KDM4C: variants seen among roughly 807,000 people sequenced by gnomAD.
The protein encoded by KDM4C is lysine demethylase 4C, also known as lysine-specific demethylase 4C.
A neutral mutation model predicts 129.3 loss-of-function variants in KDM4C; 81 were observed. That is an observed-to-expected ratio of 0.63 (90% CI 0.52 to 0.75). The LOEUF is 0.75. KDM4C is among the 30% of genes least tolerant of loss of function. The probability of loss-of-function intolerance (pLI) is 0.00; values close to 1 mark genes in which losing one functional copy is unlikely to be tolerated. For missense variants in KDM4C, 1,457 were observed against 1,304.0 expected (o/e 1.12, Z -1.81); for synonymous variants, 573 against 456.1 (o/e 1.26, Z -3.26).
At position 6,880,071 on chromosome 9, in the gene KDM4C, G is replaced by C. The variant is rs1309513827; in HGVS notation, c.679+10G>C. On this transcript the variant is annotated intron_variant, in intron 6 of 21. Coordinates refer to ENST00000381309, the MANE Select transcript of KDM4C (RefSeq NM_015061.6). Reference sequence around the variant, plus strand: ...GAAAGACTAGCTCAAGGTAAAACTTGCTTTTTAAATTTGTTTTCTGTGTTT... The same window carrying C: ...GAAAGACTAGCTCAAGGTAAAACTTCCTTTTTAAATTTGTTTTCTGTGTTT... 1.3e-6 allele frequency: 2 copies of C among 1,581,856 alleles called. No individual in the cohort carries two copies. Among genetic ancestry groups the C allele is most frequent in the Non-Finnish European group, 1.7e-6 (2 of 1,157,472 alleles).
At chr9:7,089,778 A>T (rs926342804) in intron 17 of KDM4C, among the ~76,000 whole-genome samples, 2 of 152,184 alleles carry the variant, frequency 1.3e-5, no homozygotes, top group African/African-American at 4.8e-5. Context: ...AATTAGACTT[A>T]AAAAAACCCA....
At chr9:6,965,444 G>C (rs1830788936) in intron 8 of KDM4C, among the ~76,000 whole-genome samples, 1 of 152,088 alleles carries the variant, frequency 6.6e-6, no homozygotes, top group Non-Finnish European at 1.5e-5. Flanking sequence ...AAGTTTGTTA[G>C]GGTTCTCCAG....
At chr9:6,858,369 A>G (rs189263026) in intron 5 of KDM4C, among the ~76,000 whole-genome samples, 2 of 152,162 alleles carry the variant, frequency 1.3e-5, no homozygotes, top group East Asian at 1.9e-4. Context: ...GACCACCACC[A>G]CCTACAACAT....
At chr9:7,118,274 C>T (rs527539514) in intron 18 of KDM4C, among the ~76,000 whole-genome samples, 7 of 152,308 alleles carry the variant, frequency 4.6e-5, no homozygotes, top group African/African-American at 1.7e-4. Context: ...AATAAAAGTA[C>T]ACGTGAACAT....
intron 13 of KDM4C, among the ~76,000 whole-genome samples, chr9:7,013,208 T>C (rs1053036218): frequency 5.9e-5 from 9 of 152,208 alleles, no homozygotes; most frequent in African/African-American, 2.2e-4. Context: ...TGTAAGGTAA[T>C]TCATTACTTA....
chr9:7,103,194 C>A (rs1042917005), intron 17 of KDM4C, among the ~76,000 whole-genome samples: 10 of 152,158 alleles, frequency 6.6e-5, no homozygotes, highest in Admixed American at 4.6e-4. Context: ...ATTTCCTTGT[C>A]TTTGGAAAAC....
intron 4 of KDM4C, among the ~76,000 whole-genome samples, chr9:6,820,091 T>C (rs1006698932): frequency 6.6e-6 from 1 of 152,192 alleles, no homozygotes; most frequent in African/African-American, 2.4e-5. Flanking sequence ...GGTGCAAAGA[T>C]GGATACGAAT....
At chr9:6,806,599 A>T (rs1163312540) in intron 3 of KDM4C, among the ~76,000 whole-genome samples, 2 of 152,062 alleles carry the variant, frequency 1.3e-5, no homozygotes, top group Admixed American at 1.3e-4. Flanking sequence ...TGACCTTCAG[A>T]TTCTGCCTCA....
chr9:6,751,963 G>A (rs1818075080), intron 1 of KDM4C, among the ~76,000 whole-genome samples: 1 of 152,138 alleles, frequency 6.6e-6, no homozygotes, highest in Non-Finnish European at 1.5e-5. Context: ...GAAAGCCCAT[G>A]ACAATTAGGT....
At chr9:7,148,357 T>G (rs906584729) in intron 19 of KDM4C, among the ~76,000 whole-genome samples, 1 of 152,196 alleles carries the variant, frequency 6.6e-6, no homozygotes, top group Non-Finnish European at 1.5e-5. Flanking sequence ...CCCATTTGTG[T>G]TACAGCTCTT....
At chr9:6,952,733 G>A (rs1042381633) in intron 8 of KDM4C, among the ~76,000 whole-genome samples, 4 of 152,106 alleles carry the variant, frequency 2.6e-5, no homozygotes, top group African/African-American at 9.7e-5. Context: ...GAGCCACTGT[G>A]CCCGGCCCCA....
intron 5 of KDM4C, among the ~76,000 whole-genome samples, chr9:6,868,697 T>C (rs1185921649): frequency 6.6e-6 from 1 of 152,024 alleles, no homozygotes; most frequent in Non-Finnish European, 1.5e-5. Flanking sequence ...CCGTTTCCCC[T>C]CCACGTATTT....
chr9:6,825,820 G>C (rs6477111), intron 4 of KDM4C, among the ~76,000 whole-genome samples: 82,969 of 151,646 alleles, frequency 0.55, 23,075 homozygotes, highest in African/African-American at 0.64. Context: ...TTATTTCTCT[G>C]TCTCTCTTAA....
At chr9:6,983,696 A>G (rs137911849) in intron 9 of KDM4C, among the ~76,000 whole-genome samples, 9 of 152,232 alleles carry the variant, frequency 5.9e-5, no homozygotes, top group Admixed American at 2.6e-4. Context: ...ATACCTGACA[A>G]TTATACAAAA....
intron 5 of KDM4C, among the ~76,000 whole-genome samples, chr9:6,855,983 C>G (rs916397315): frequency 1.3e-4 from 20 of 152,076 alleles, no homozygotes. Flanking sequence ...TCAAGTGGTC[C>G]TATTGTGTCT....
intron 17 of KDM4C, among the ~76,000 whole-genome samples, chr9:7,094,166 C>T (rs1004810181): frequency 6.6e-6 from 1 of 152,154 alleles, no homozygotes; most frequent in Non-Finnish European, 1.5e-5. Flanking sequence ...GAAATATTGA[C>T]CATTTACTTG....
chr9:7,029,560 A>C (rs1413065216), intron 15 of KDM4C, among the ~76,000 whole-genome samples: 1 of 151,888 alleles, frequency 6.6e-6, no homozygotes, highest in Non-Finnish European at 1.5e-5. Flanking sequence ...TAAATTATAA[A>C]ATTCTAAAGA....
intron 17 of KDM4C, among the ~76,000 whole-genome samples, chr9:7,081,759 A>G (rs1402850918): frequency 1.3e-5 from 2 of 152,188 alleles, no homozygotes; most frequent in African/African-American, 4.8e-5. Context: ...GATTTCCACT[A>G]TTTGCAAAGC....
At chr9:6,956,803 T>G (rs1482533929) in intron 8 of KDM4C, among the ~76,000 whole-genome samples, 1 of 152,202 alleles carries the variant, frequency 6.6e-6, no homozygotes, top group Non-Finnish European at 1.5e-5. Flanking sequence ...TGCTTTATGT[T>G]TTTTGGTAGC....
Sources: gnomAD v4.1 joint callset for allele counts (sites outside exome capture counted in the v4.1 genomes callset) on GRCh38, gnomAD v4.1.1 for gene constraint, MANE v1.5 for transcripts, NCBI Gene and HGNC (gene_info 2026-07-23, HGNC 2026-07-21) for gene names.